Variants in EIF4G3 observed in about 807,000 individuals in gnomAD.
The protein encoded by EIF4G3 is eIF-4-gamma 3.
A neutral mutation model predicts 186.4 loss-of-function variants in EIF4G3; 34 were observed. The observed-to-expected ratio is 0.18, with a 90% CI of 0.14 to 0.24. The LOEUF is 0.24. EIF4G3 is among the 10% of genes least tolerant of loss of function. EIF4G3 has a pLI of 1.00. For missense variants in EIF4G3, 1,536 were observed against 1,948.5 expected (o/e 0.79, Z 3.99); for synonymous variants, 673 against 679.5 (o/e 0.99, Z 0.15).
At chr1:21,173,722 A>T (rs926333454) in intron 2 of EIF4G3, among the ~76,000 whole-genome samples, 4 of 152,300 alleles carry the variant, frequency 2.6e-5, no homozygotes, top group Admixed American at 2.0e-4. Flanking sequence ...GAACTTATTA[A>T]TTCAATGCAA....
chr1:20,817,289 A>AATAAAAAAAAAAAT, intron 34 of EIF4G3, 103 bp downstream of exon 34: 2 of 295,660 alleles, frequency 6.8e-6, no homozygotes, highest in Non-Finnish European at 1.0e-5. Context: ...AAAAAAAATA[A>AATAAAAAAAAAAAT]AAATAAAAAT....
intron 3 of EIF4G3, among the ~76,000 whole-genome samples, chr1:21,061,738 CTTG>C (rs1187108622): frequency 6.9e-6 from 1 of 145,774 alleles, no homozygotes; most frequent in Non-Finnish European, 1.5e-5. Context: ...TATTTCTCTG[CTTG>C]TTTTTTTTTT....
At chr1:21,024,801 A>G (rs978937016) in intron 4 of EIF4G3, among the ~76,000 whole-genome samples, 1 of 149,358 alleles carries the variant, frequency 6.7e-6, no homozygotes, top group Non-Finnish European at 1.5e-5. Flanking sequence ...ACCTTTGTTC[A>G]CTTGTTTATC....
At chr1:20,891,663 T>TATA (rs1408980123) in intron 18 of EIF4G3, among the ~76,000 whole-genome samples, 1 of 148,934 alleles carries the variant, frequency 6.7e-6, no homozygotes, top group African/African-American at 2.5e-5. Flanking sequence ...GGCAGGCACC[T>TATA]ATAGTCCCAG....
intron 16 of EIF4G3, among the ~76,000 whole-genome samples, chr1:20,897,507 C>T (rs2088679181): frequency 7.1e-6 from 1 of 140,730 alleles, no homozygotes; most frequent in South Asian, 2.2e-4. Flanking sequence ...TTTCTCCTGC[C>T]TATAATTTCA....
At chr1:20,939,716 C>A (rs903106397) in intron 14 of EIF4G3, among the ~76,000 whole-genome samples, 2 of 152,076 alleles carry the variant, frequency 1.3e-5, no homozygotes, top group Non-Finnish European at 2.9e-5. Flanking sequence ...TAGTTTCTCT[C>A]ATTTTTGTAA....
chr1:21,165,960 G>A (rs2097847834), intron 2 of EIF4G3, among the ~76,000 whole-genome samples: 1 of 151,162 alleles, frequency 6.6e-6, no homozygotes, highest in African/African-American at 2.4e-5. Context: ...ATTCTACCAT[G>A]AGAATCCTCC....
intron 12 of EIF4G3, among the ~76,000 whole-genome samples, chr1:20,959,708 AGT>A (rs1274833285): frequency 6.6e-6 from 1 of 150,884 alleles, no homozygotes; most frequent in African/African-American, 2.4e-5. Context: ...CCCATCAAAA[AGT>A]GGGCAAAGGA....
intron 7 of EIF4G3, among the ~76,000 whole-genome samples, chr1:20,983,911 T>C (rs1045233964): frequency 3.3e-5 from 5 of 152,310 alleles, no homozygotes; most frequent in Non-Finnish European, 7.3e-5. Flanking sequence ...GGGCAATGTT[T>C]TCCAAAAATT....
At chr1:21,158,289 C>T (rs1196977638) in intron 2 of EIF4G3, among the ~76,000 whole-genome samples, 2 of 151,274 alleles carry the variant, frequency 1.3e-5, no homozygotes, top group Non-Finnish European at 2.9e-5. Flanking sequence ...AATCCACCCA[C>T]CTCAGCCTCC....
Position 20,917,896 on chromosome 1 carries a change from T to G in EIF4G3, c.1664-12925A>C, listed in dbSNP as rs530456556. Among the ~76,000 whole-genome samples, 7 of 152,064 alleles carry G rather than the reference T, an allele frequency of 4.6e-5. No individual in the cohort carries two copies. In the East Asian group the frequency reaches 1.4e-3, roughly 29 times the overall value. ...ATGTTTACTGACATAAAAACATTTC[T>G]ATGACATACTGTTTTTACAAGGCTT... On this transcript the variant is annotated intron_variant, in intron 14 of 36. Coordinates refer to ENST00000602326, the MANE Select transcript of EIF4G3 (RefSeq NM_001391906.1).
intron 13 of EIF4G3, 28 bp from the exon 14 acceptor site, chr1:20,942,358 A>C: frequency 6.5e-7 from 1 of 1,530,302 alleles, no homozygotes; most frequent in Non-Finnish European, 8.7e-7. Context: ...AGTTTTAAGA[A>C]TAATTCTTGG....
At chr1:21,051,116 G>A (rs1426138207) in intron 3 of EIF4G3, 122 bp from the exon 4 acceptor site, 8 of 606,730 alleles carry the variant, frequency 1.3e-5, no homozygotes, top group Admixed American at 9.8e-5. Context: ...AAATAAGCAC[G>A]AGACTGAACA....
At chr1:20,928,701 T>C (rs953623183) in intron 14 of EIF4G3, among the ~76,000 whole-genome samples, 2 of 151,870 alleles carry the variant, frequency 1.3e-5, no homozygotes, top group African/African-American at 4.9e-5. Context: ...GCCAGGCCCC[T>C]CTTTTTAAAA....
intron 24 of EIF4G3, 137 bp from the exon 25 acceptor site, chr1:20,857,634 C>G: frequency 1.3e-6 from 1 of 767,084 alleles, no homozygotes; most frequent in East Asian, 2.5e-5. Context: ...ATCTTTAATC[C>G]CATGGCAGGA....
At chr1:21,091,309 G>A (rs1251481093) in intron 2 of EIF4G3, among the ~76,000 whole-genome samples, 2 of 151,974 alleles carry the variant, frequency 1.3e-5, no homozygotes, top group African/African-American at 2.4e-5. Flanking sequence ...ATAGACATGC[G>A]CTACCACAGC....
At chr1:21,099,205 G>A (rs1212706607) in intron 2 of EIF4G3, among the ~76,000 whole-genome samples, 2 of 152,124 alleles carry the variant, frequency 1.3e-5, no homozygotes, top group Non-Finnish European at 2.9e-5. Flanking sequence ...AAGCAGTTTG[G>A]CAGTTTCTTA....
intron 2 of EIF4G3, among the ~76,000 whole-genome samples, chr1:21,096,415 T>G (rs1557940575): frequency 6.6e-6 from 1 of 152,204 alleles, no homozygotes. Context: ...AATTACTTAA[T>G]GGGTACAACA....
intron 8 of EIF4G3, among the ~76,000 whole-genome samples, chr1:20,981,926 T>C (rs1340430981): frequency 6.6e-6 from 1 of 152,138 alleles, no homozygotes; most frequent in Non-Finnish European, 1.5e-5. Context: ...TATCAAATCA[T>C]TAAAAATTAA....
Sources: allele counts gnomAD v4.1 joint callset (sites outside exome capture counted in the v4.1 genomes callset), GRCh38; gene constraint gnomAD v4.1.1; transcripts MANE v1.5; gene names NCBI Gene and HGNC (gene_info 2026-07-23, HGNC 2026-07-21).